EYS: variants seen among roughly 807,000 people sequenced by gnomAD.
EYS encodes the protein EGF-like photoreceptor maintenance factor.
Under a neutral mutation model 282.1 loss-of-function variants are expected in EYS, and 250 were observed. The observed-to-expected ratio is 0.89, with a 90% CI of 0.80 to 0.98. The LOEUF is 0.98. EYS is among the 50% of genes least tolerant of loss of function. The probability of loss-of-function intolerance (pLI) is 0.00; values close to 1 mark genes in which losing one functional copy is unlikely to be tolerated. For synonymous variants in EYS, 1,355 were observed against 1,282.9 expected, an observed-to-expected ratio of 1.06 and a Z score of -1.20; for missense variants, 4,016 against 3,709.0, an observed-to-expected ratio of 1.08 and a Z score of -2.15.
intron 10 of EYS, among the ~76,000 whole-genome samples, chr6:65,339,663 T>C (rs1770125605): frequency 6.6e-6 from 1 of 151,158 alleles, no homozygotes; most frequent in Non-Finnish European, 1.5e-5. Context: ...ATACTTGATG[T>C]CACTGGAGAA....
At chr6:65,238,872 T>A (rs1426919285) in intron 12 of EYS, among the ~76,000 whole-genome samples, 1 of 151,836 alleles carries the variant, frequency 6.6e-6, no homozygotes, top group Admixed American at 6.6e-5. Context: ...TAACTGAAGA[T>A]GAACAAATGC....
At chr6:65,081,710 T>C (rs1235209944) in intron 12 of EYS, among the ~76,000 whole-genome samples, 1 of 152,052 alleles carries the variant, frequency 6.6e-6, no homozygotes. Flanking sequence ...AAAATGAGAT[T>C]CATTGATTTT....
At chr6:64,375,475 G>A (rs78482781) in intron 29 of EYS, among the ~76,000 whole-genome samples, 7,078 of 152,196 alleles carry the variant, frequency 0.047, 256 homozygotes, top group Non-Finnish European at 0.072. Flanking sequence ...TATGCCTCTC[G>A]GCTAATATAT....
chr6:64,944,985 T>C (rs1769230382), intron 15 of EYS, among the ~76,000 whole-genome samples: 1 of 151,344 alleles, frequency 6.6e-6, no homozygotes, highest in Non-Finnish European at 1.5e-5. Flanking sequence ...CTCCTTATTA[T>C]CACCCTGCCC....
At chr6:64,595,827 A>G (rs1046266176) in intron 24 of EYS, among the ~76,000 whole-genome samples, 4 of 152,178 alleles carry the variant, frequency 2.6e-5, no homozygotes, top group African/African-American at 9.7e-5. Context: ...TATGGAGCAG[A>G]AGAATTAATA....
chr6:64,832,162 A>G (rs1765239458), intron 19 of EYS, among the ~76,000 whole-genome samples: 1 of 151,982 alleles, frequency 6.6e-6, no homozygotes, highest in Non-Finnish European at 1.5e-5. Flanking sequence ...ACATGTTAAA[A>G]TATTGTCAAA....
intron 35 of EYS, among the ~76,000 whole-genome samples, chr6:63,943,284 A>C (rs1765296560): frequency 6.6e-6 from 1 of 152,214 alleles, no homozygotes; most frequent in Admixed American, 6.5e-5. Flanking sequence ...TCAAACTCAG[A>C]GTTAACTTAC....
At chr6:64,410,101 G>C (rs1773839598) in intron 28 of EYS, among the ~76,000 whole-genome samples, 1 of 152,002 alleles carries the variant, frequency 6.6e-6, no homozygotes, top group Non-Finnish European at 1.5e-5. Flanking sequence ...ATAGGACTGT[G>C]TTAGTGCAGA....
chr6:64,903,324 A>G (rs904259380), intron 16 of EYS, among the ~76,000 whole-genome samples: 1 of 152,176 alleles, frequency 6.6e-6, no homozygotes, highest in Admixed American at 6.6e-5. Flanking sequence ...GTGCAGCCAC[A>G]TTACACAATA....
chr6:64,387,113 CATA>C (rs774094675), intron 29 of EYS, among the ~76,000 whole-genome samples: 185 of 152,240 alleles, frequency 1.2e-3, no homozygotes, highest in Non-Finnish European at 2.0e-3. Context: ...CCCATGTCTC[CATA>C]ATAATAAATT....
intron 8 of EYS, among the ~76,000 whole-genome samples, chr6:65,359,523 T>C (rs1025641884): frequency 6.6e-6 from 1 of 152,030 alleles, no homozygotes; most frequent in African/African-American, 2.4e-5. Context: ...ATCTTGCTTT[T>C]CATGATGTAT....
At chr6:63,774,298 A>G (rs950931648) in intron 40 of EYS, among the ~76,000 whole-genome samples, 1 of 151,858 alleles carries the variant, frequency 6.6e-6, no homozygotes, top group Non-Finnish European at 1.5e-5. Context: ...CCTCCCAGGT[A>G]GCTGGGATTA....
At chr6:64,073,518 C>T (rs1013104740) in intron 32 of EYS, among the ~76,000 whole-genome samples, 1 of 151,532 alleles carries the variant, frequency 6.6e-6, no homozygotes, top group African/African-American at 2.4e-5. Context: ...AATTTTCAAA[C>T]ACAATTATGG....
intron 12 of EYS, among the ~76,000 whole-genome samples, chr6:65,233,547 C>G (rs918712438): frequency 1.3e-5 from 2 of 151,966 alleles, no homozygotes; most frequent in Admixed American, 1.3e-4. Context: ...GGAGTTTTAC[C>G]CTTTTACTGT....
At chr6:64,675,770 A>C (rs1280386114) in intron 22 of EYS, among the ~76,000 whole-genome samples, 4 of 151,734 alleles carry the variant, frequency 2.6e-5, no homozygotes, top group Admixed American at 6.6e-5. Flanking sequence ...ATATGGAATT[A>C]ATTACAGCTT....
intron 35 of EYS, among the ~76,000 whole-genome samples, chr6:63,876,503 C>G (rs1273429302): frequency 1.3e-5 from 2 of 152,144 alleles, no homozygotes; most frequent in African/African-American, 4.8e-5. Flanking sequence ...TGGTGCAGAG[C>G]TGAGTTCAAT....
chr6:64,788,551 T>TAAC (rs1370671582), intron 22 of EYS, among the ~76,000 whole-genome samples: 1 of 152,166 alleles, frequency 6.6e-6, no homozygotes, highest in East Asian at 1.9e-4. Context: ...GTAGAGGGGA[T>TAAC]AACAGTGCTT....
At chr6:64,103,881 GAGCT>G (rs1772915930) in intron 31 of EYS, among the ~76,000 whole-genome samples, 1 of 152,126 alleles carries the variant, frequency 6.6e-6, no homozygotes, top group Non-Finnish European at 1.5e-5. Context: ...AAGACTTTCT[GAGCT>G]AGGAGAGACA....
At chr6:64,837,220 G>C (rs1202040163) in intron 19 of EYS, among the ~76,000 whole-genome samples, 2 of 151,342 alleles carry the variant, frequency 1.3e-5, no homozygotes, top group African/African-American at 4.8e-5. Flanking sequence ...TTTTTAATGA[G>C]AAAATTATGT....
Sources: gnomAD v4.1 joint callset for allele counts (sites outside exome capture counted in the v4.1 genomes callset) on GRCh38, gnomAD v4.1.1 for gene constraint, MANE v1.5 for transcripts, NCBI Gene and HGNC (gene_info 2026-07-23, HGNC 2026-07-21) for gene names.